The following PRKN variants were observed in gnomAD, a reference collection of about 807,000 sequenced individuals.
PRKN encodes parkin RBR E3 ubiquitin protein ligase.
A neutral mutation model predicts 59.5 loss-of-function variants in PRKN; 56 were observed. That is an observed-to-expected ratio of 0.94 (90% CI 0.76 to 1.18). PRKN has a LOEUF of 1.18. PRKN is among the 50% of genes most tolerant of loss of function. The pLI, the probability that PRKN is intolerant of heterozygous loss-of-function variation, is 0.00. For missense variants in PRKN, 657 were observed against 596.4 expected, an observed-to-expected ratio of 1.10 and a Z score of -1.06; for synonymous variants, 250 against 222.1, an observed-to-expected ratio of 1.13 and a Z score of -1.12.
intron 6 of PRKN, among the ~76,000 whole-genome samples, chr6:161,802,626 G>A (rs958132279): frequency 3.9e-5 from 6 of 152,054 alleles, no homozygotes; most frequent in African/African-American, 1.2e-4. Flanking sequence ...CCTTTGCAAC[G>A]AGCCCCTCTA....
chr6:162,645,771 G>C (rs552286729), intron 1 of PRKN, among the ~76,000 whole-genome samples: 2 of 151,506 alleles, frequency 1.3e-5, no homozygotes, highest in African/African-American at 4.9e-5. Flanking sequence ...CGTACTCTAC[G>C]TGTCTTCTCA....
chr6:161,731,703 TATAAAG>T lies in PRKN; in HGVS notation c.871+54063_871+54068del, dbSNP rs533110599. Reference sequence around the variant, plus strand: ...GGATTACAAGTCAGAAATTAAACTCTATAAAGATAAACAGAGACTGAAGAAGACAGA... The same window carrying T: ...GGATTACAAGTCAGAAATTAAACTCTATAAACAGAGACTGAAGAAGACAGA... On this transcript the variant is annotated intron_variant, in intron 7 of 11. Transcript: ENST00000366898. Among the ~76,000 whole-genome samples the T allele has an allele frequency of 1.8e-3, 268 of 152,298 alleles. 1 individual carries two copies. Among genetic ancestry groups the T allele is most frequent in the African/African-American group, 6.0e-3 (248 of 41,566 alleles).
rs539285885 is a variant in PRKN at position 162,252,568 on chromosome 6, C to A, written c.412+9957G>T. ...GGTGATTAGGTCATGAGTATGGAGC[C>A]ACCGTGAATGGGATACGTGCTCTTA... On this transcript the variant is annotated intron_variant, in intron 3 of 11. Transcript: ENST00000366898. 2.3e-4 allele frequency among the ~76,000 whole-genome samples: 35 copies of A among 152,304 alleles called. No individual in the cohort carries two copies. In the South Asian group the frequency reaches 7.2e-3, roughly 32 times the overall value.
chr6:161,978,419 C>T (rs1273640709), intron 5 of PRKN, among the ~76,000 whole-genome samples: 1 of 152,162 alleles, frequency 6.6e-6, no homozygotes, highest in Non-Finnish European at 1.5e-5. Context: ...CACTTCCAAT[C>T]TGTATTCAAA....
At chr6:162,321,950 T>A (rs1225376844) in intron 2 of PRKN, among the ~76,000 whole-genome samples, 2 of 152,046 alleles carry the variant, frequency 1.3e-5, no homozygotes, top group East Asian at 3.9e-4. Flanking sequence ...GGCCTTAATG[T>A]TAAGTCTTAC....
chr6:161,699,498 G>A (rs990655673), intron 7 of PRKN, among the ~76,000 whole-genome samples: 1 of 152,106 alleles, frequency 6.6e-6, no homozygotes, highest in Non-Finnish European at 1.5e-5. Context: ...TGAATAAAAA[G>A]GAATGAACTA....
At chr6:161,850,808 C>T (rs1348125072) in intron 6 of PRKN, among the ~76,000 whole-genome samples, 1 of 152,060 alleles carries the variant, frequency 6.6e-6, no homozygotes, top group Non-Finnish European at 1.5e-5. Context: ...CTCCTGTTAC[C>T]ACCAATGCTC....
intron 3 of PRKN, among the ~76,000 whole-genome samples, chr6:162,229,864 T>TA (rs1248783831): frequency 4.6e-5 from 7 of 152,202 alleles, no homozygotes; most frequent in African/African-American, 1.7e-4. Flanking sequence ...TAGCTCAAAT[T>TA]ATATAGCAAA....
At chr6:161,849,912 T>A (rs141142304) in intron 6 of PRKN, among the ~76,000 whole-genome samples, 1,685 of 152,312 alleles carry the variant, frequency 0.011, 27 homozygotes, top group African/African-American at 0.038. Context: ...ACTCAGAAGA[T>A]CCTGGTCTAG....
At chr6:162,585,180 T>C (rs954418895) in intron 1 of PRKN, among the ~76,000 whole-genome samples, 1 of 151,866 alleles carries the variant, frequency 6.6e-6, no homozygotes, top group Non-Finnish European at 1.5e-5. Context: ...GTTACAGGCA[T>C]GAGCCACTGC....
At position 161,447,938 on chromosome 6, in the gene PRKN, C is replaced by T. The variant is rs567143530; in HGVS notation, c.1084-61061G>A. 3.5e-4 allele frequency among the ~76,000 whole-genome samples: 53 copies of T among 152,256 alleles called. No individual in the cohort carries two copies. Among genetic ancestry groups the T allele is most frequent in the South Asian group, 1.0e-3 (5 of 4,820 alleles). ...CTGTTTTTTCTCTCTGGTGCGTGACCACTGCTTCCTGATTTTTGTGTTGAG... is the reference window on the plus strand; with the variant it reads ...CTGTTTTTTCTCTCTGGTGCGTGACTACTGCTTCCTGATTTTTGTGTTGAG... On this transcript the variant is annotated intron_variant, in intron 9 of 11. Transcript: ENST00000366898. The surrounding 1 kb of genome is among the most constrained non-coding windows in gnomAD (Gnocchi z 4.1).
At chr6:162,316,295 G>A (rs1308575394) in intron 2 of PRKN, among the ~76,000 whole-genome samples, 1 of 151,978 alleles carries the variant, frequency 6.6e-6, no homozygotes, top group Non-Finnish European at 1.5e-5. Flanking sequence ...TCCCAGTCAT[G>A]ATACCTCATG....
At chr6:161,957,846 T>C (rs1780240458) in intron 6 of PRKN, among the ~76,000 whole-genome samples, 1 of 152,194 alleles carries the variant, frequency 6.6e-6, no homozygotes, top group Admixed American at 6.5e-5. Context: ...GGGCAGGTCC[T>C]GAGGAGTCTC....
intron 7 of PRKN, among the ~76,000 whole-genome samples, chr6:161,645,715 A>C (rs1412525311): frequency 6.6e-6 from 1 of 152,282 alleles, no homozygotes; most frequent in Non-Finnish European, 1.5e-5. Context: ...ATGAAATCAC[A>C]ATAAAGTGTC....
intron 9 of PRKN, among the ~76,000 whole-genome samples, chr6:161,389,544 T>C (rs1360378293): frequency 6.6e-6 from 1 of 152,230 alleles, no homozygotes; most frequent in African/African-American, 2.4e-5. Flanking sequence ...GACATCTTAT[T>C]TTCTCTGAAC....
intron 4 of PRKN, among the ~76,000 whole-genome samples, chr6:162,131,109 G>T (rs991254606): frequency 1.3e-5 from 2 of 151,972 alleles, no homozygotes; most frequent in African/African-American, 4.8e-5. Context: ...TAATGATGAG[G>T]CAATTCCCAC....
At chr6:162,208,197 T>C (rs991886221) in intron 3 of PRKN, among the ~76,000 whole-genome samples, 4 of 152,194 alleles carry the variant, frequency 2.6e-5, no homozygotes, top group African/African-American at 9.7e-5. Context: ...CCTTGTCCAA[T>C]AGGTTATTAC....
chr6:161,887,103 A>C (rs1005121887), intron 6 of PRKN, among the ~76,000 whole-genome samples: 4 of 152,178 alleles, frequency 2.6e-5, no homozygotes, highest in African/African-American at 9.7e-5. Context: ...TGAAAAACTT[A>C]TTTTTCATAA....
At chr6:161,412,288 C>T (rs1351499958) in intron 9 of PRKN, among the ~76,000 whole-genome samples, 2 of 147,446 alleles carry the variant, frequency 1.4e-5, no homozygotes, top group Admixed American at 6.8e-5. Context: ...TCACTCATTC[C>T]TCCACTCATT....
Sources: gnomAD v4.1 joint callset for allele counts (sites outside exome capture counted in the v4.1 genomes callset) on GRCh38, gnomAD v4.1.1 for gene constraint, Gnocchi (gnomAD v3.1) non-coding constraint, MANE v1.5 for transcripts, NCBI Gene and HGNC (gene_info 2026-07-23, HGNC 2026-07-21) for gene names.